Variants in PPP1R12A observed in about 807,000 individuals in gnomAD.
The protein encoded by PPP1R12A is myosin binding subunit.
A neutral mutation model predicts 139.6 loss-of-function variants in PPP1R12A; 19 were observed. The ratio of observed to expected loss-of-function variants is 0.14; its 90% CI spans 0.09 to 0.20. The LOEUF (loss-of-function observed/expected upper bound fraction) is 0.20, where lower values mean the gene tolerates loss of function less well. Ranked by LOEUF, PPP1R12A falls within the 10% of genes least tolerant of loss-of-function variation. The pLI is 1.00. For missense variants in PPP1R12A, 925 were observed against 1,211.5 expected (o/e 0.76, Z 3.51); for synonymous variants, 427 against 420.6 (o/e 1.02, Z -0.19).
intron 19 of PPP1R12A, among the ~76,000 whole-genome samples, chr12:79,791,831 T>C (rs1871911054): frequency 6.6e-6 from 1 of 152,168 alleles, no homozygotes; most frequent in Non-Finnish European, 1.5e-5. Context: ...TCTTCCTAGC[T>C]CTGGCAACAA....
rs368861043 is a variant in PPP1R12A at position 79,805,631 on chromosome 12, C to A, written c.1961G>T (p.Gly654Val). 6.2e-7 allele frequency: 1 copy of A among 1,613,754 alleles called. No individual in the cohort carries two copies. The change falls in exon 14 of 25, where the codon GGC becomes GTC. Residue 654 changes from glycine to valine, a missense_variant. This residue lies in a region of PPP1R12A where 403 missense variants were observed against 463.7 expected (regional missense o/e 0.87). Coordinates refer to ENST00000450142, the MANE Select transcript of PPP1R12A (RefSeq NM_002480.3). ...STTTLTTTTA[G>V]TVSSTTEVRE... is the part of the protein sequence containing the mutation. The stretch of plus-strand genomic sequence containing the variant: ...GACCTCTGTTGTGGAGGAGACAGTG[C>A]CAGCAGTAGTTGTAGTCAGGGTTGT...
chr12:79,861,435 C>A (rs1263572307), intron 2 of PPP1R12A, among the ~76,000 whole-genome samples: 1 of 152,174 alleles, frequency 6.6e-6, no homozygotes, highest in Non-Finnish European at 1.5e-5. Context: ...AACTGAGGTA[C>A]CTGCTTCATC....
At chr12:79,860,276 A>G (rs983134690) in intron 2 of PPP1R12A, among the ~76,000 whole-genome samples, 1 of 152,256 alleles carries the variant, frequency 6.6e-6, no homozygotes, top group African/African-American at 2.4e-5. Context: ...AATATTTTAT[A>G]AACATAAAAA....
rs140859687 is a variant in PPP1R12A at position 79,923,979 on chromosome 12, G to A, written c.237+10716C>T. Among the ~76,000 whole-genome samples, 254 of 152,240 alleles carry A rather than the reference G, an allele frequency of 1.7e-3. 4 individuals carry two copies. The East Asian group carries it at 0.043, about 26-fold the overall frequency. On this transcript the variant is annotated intron_variant, in intron 1 of 24. Coordinates refer to ENST00000450142, the MANE Select transcript of PPP1R12A (RefSeq NM_002480.3). The stretch of plus-strand genomic sequence containing the variant: ...GAATCACTTGAACCTGGGAGGCGGC[G>A]TTTGCAGTGAGCCGAGATTGTGCCA...
intron 1 of PPP1R12A, among the ~76,000 whole-genome samples, chr12:79,887,361 T>C (rs897536442): frequency 1.3e-5 from 2 of 152,090 alleles, no homozygotes; most frequent in African/African-American, 4.8e-5. Flanking sequence ...ACACATTCCA[T>C]AATTCCTGAC....
intron 1 of PPP1R12A, among the ~76,000 whole-genome samples, chr12:79,927,230 C>G (rs1565821069): frequency 6.6e-6 from 1 of 151,982 alleles, no homozygotes; most frequent in East Asian, 1.9e-4. Flanking sequence ...ACACACCCAA[C>G]AACTGAAACG....
At chr12:79,932,630 A>G (rs902414580) in intron 1 of PPP1R12A, among the ~76,000 whole-genome samples, 5 of 152,134 alleles carry the variant, frequency 3.3e-5, no homozygotes, top group African/African-American at 1.2e-4. Flanking sequence ...AAAACAAAAT[A>G]CCCAATAAAG....
At chr12:79,836,683 C>T (rs1435595019) in intron 3 of PPP1R12A, among the ~76,000 whole-genome samples, 3 of 151,986 alleles carry the variant, frequency 2.0e-5, no homozygotes, top group Admixed American at 6.6e-5. Context: ...GTATGTAGAC[C>T]GTGCTTAGCT....
intron 6 of PPP1R12A, among the ~76,000 whole-genome samples, chr12:79,821,659 A>G (rs1876119501): frequency 6.6e-6 from 1 of 151,850 alleles, no homozygotes; most frequent in Non-Finnish European, 1.5e-5. Flanking sequence ...AGGCTGAGGC[A>G]GGAGAATGGC....
At chr12:79,888,405 G>T (rs1398822578) in intron 1 of PPP1R12A, among the ~76,000 whole-genome samples, 2 of 152,144 alleles carry the variant, frequency 1.3e-5, no homozygotes, top group East Asian at 3.9e-4. Flanking sequence ...AAATAACAAG[G>T]CACAAGCAGC....
At chr12:79,889,395 A>G (rs1884390706) in intron 1 of PPP1R12A, among the ~76,000 whole-genome samples, 1 of 152,206 alleles carries the variant, frequency 6.6e-6, no homozygotes, top group African/African-American at 2.4e-5. Flanking sequence ...CTAGTGATAG[A>G]AAAGACAACA....
rs539627908 is a variant in PPP1R12A at position 79,825,938 on chromosome 12, GA to G, written c.792+2381del. Among the ~76,000 whole-genome samples the G allele has an allele frequency of 2.4e-3, 361 of 148,708 alleles. 1 individual carries two copies. The highest frequency in any genetic ancestry group is 8.2e-3 in the African/African-American group (334 of 40,656). On this transcript the variant is annotated intron_variant, in intron 5 of 24. Transcript: ENST00000450142. The stretch of plus-strand genomic sequence containing the variant: ...GGTCTTAAAATAGAACTTCTCAAAT[GA>G]AAAAAAAAGCCTTGTATTTGGATAT...
intron 1 of PPP1R12A, among the ~76,000 whole-genome samples, chr12:79,928,947 A>G (rs1888048879): frequency 1.3e-5 from 2 of 152,216 alleles, no homozygotes; most frequent in African/African-American, 4.8e-5. Context: ...AAGAAAAACT[A>G]TTTTAAAATT....
At chr12:79,851,841 T>C (rs986304755) in intron 2 of PPP1R12A, among the ~76,000 whole-genome samples, 2 of 152,208 alleles carry the variant, frequency 1.3e-5, no homozygotes, top group African/African-American at 2.4e-5. Flanking sequence ...CTGTTCAGAT[T>C]TGGCAATTTG....
rs984342411 is a variant in PPP1R12A at position 79,822,050 on chromosome 12, G to A, written c.867+66C>T. 33 of 1,142,054 alleles carry A rather than the reference G, an allele frequency of 2.9e-5. No individual in the cohort carries two copies. In the African/African-American group the frequency reaches 4.7e-4, roughly 16 times the overall value. 70.7% of individuals were successfully genotyped at this position (1,142,054 alleles called of 1,614,324 possible). A position where few individuals can be genotyped will look rare whatever the true frequency, so the allele number is the denominator to read the frequency against. On this transcript the variant is annotated intron_variant, in intron 6 of 24. Coordinates refer to ENST00000450142, the MANE Select transcript of PPP1R12A (RefSeq NM_002480.3). The stretch of plus-strand genomic sequence containing the variant: ...TACAAAACATCACAAGAATACTTTT[G>A]TAATTGTCTCAAATTCAAAATTATT...
chr12:79,852,338 G>A (rs546271280), intron 2 of PPP1R12A, among the ~76,000 whole-genome samples: 3 of 151,780 alleles, frequency 2.0e-5, no homozygotes, highest in Non-Finnish European at 2.9e-5. Context: ...TTATAGGCAT[G>A]TGCCATCACG....
chr12:79,873,591 G>C (rs1451608098), intron 1 of PPP1R12A, among the ~76,000 whole-genome samples: 1 of 150,590 alleles, frequency 6.6e-6, no homozygotes, highest in Non-Finnish European at 1.5e-5. Context: ...GCTTGAGTTT[G>C]AGTTCAAGGC....
chr12:79,800,622 T>C (rs1873001875), intron 14 of PPP1R12A, among the ~76,000 whole-genome samples: 1 of 152,034 alleles, frequency 6.6e-6, no homozygotes, highest in African/African-American at 2.4e-5. Flanking sequence ...TGTTCAAGGG[T>C]CAACTGTATC....
At chr12:79,864,484 A>G (rs998391069) in intron 2 of PPP1R12A, among the ~76,000 whole-genome samples, 1 of 152,192 alleles carries the variant, frequency 6.6e-6, no homozygotes, top group Non-Finnish European at 1.5e-5. Context: ...AGCAATAACT[A>G]AGATCAGAGC....
Sources: gnomAD v4.1 joint callset for allele counts (sites outside exome capture counted in the v4.1 genomes callset) on GRCh38, gnomAD v4.1.1 for gene constraint, gnomAD v4.1.1 regional missense constraint, MANE v1.5 for transcripts, NCBI Gene and HGNC (gene_info 2026-07-23, HGNC 2026-07-21) for gene names.